Variants in CNTN5 observed in about 807,000 individuals in gnomAD.
CNTN5 encodes contactin-5.
A neutral mutation model predicts 129.1 loss-of-function variants in CNTN5; 77 were observed. The observed-to-expected ratio is 0.60, with a 90% CI of 0.50 to 0.72. CNTN5 has a LOEUF of 0.72. Among genes scored for constraint, CNTN5 ranks in the 30% least tolerant of loss-of-function variants. The pLI is 0.00. For missense variants in CNTN5, 1,478 were observed against 1,328.8 expected (o/e 1.11, Z -1.75); for synonymous variants, 509 against 465.6 (o/e 1.09, Z -1.20).
chr11:99,251,190 G>C (rs906636086), intron 1 of CNTN5, among the ~76,000 whole-genome samples: 5 of 151,736 alleles, frequency 3.3e-5, no homozygotes, highest in African/African-American at 1.2e-4. Context: ...AAAGAAAACA[G>C]GTTATTTATA....
intron 18 of CNTN5, among the ~76,000 whole-genome samples, chr11:100,286,831 C>A (rs1383701770): frequency 2.0e-5 from 3 of 150,276 alleles, no homozygotes; most frequent in South Asian, 2.1e-4. Flanking sequence ...ACATTCAAAC[C>A]AAAGGCAAGG....
intron 1 of CNTN5, among the ~76,000 whole-genome samples, chr11:99,128,020 A>C (rs1858731132): frequency 6.6e-6 from 1 of 152,230 alleles, no homozygotes. Context: ...TTGTAATATA[A>C]ATGGTTGATA....
chr11:99,177,744 C>T (rs1857849082), intron 1 of CNTN5, among the ~76,000 whole-genome samples: 1 of 152,068 alleles, frequency 6.6e-6, no homozygotes, highest in Non-Finnish European at 1.5e-5. Flanking sequence ...TCTACAGTGG[C>T]CAAGTTGTCA....
intron 6 of CNTN5, among the ~76,000 whole-genome samples, chr11:99,862,519 CAACAA>C (rs1312024393): frequency 6.6e-6 from 1 of 152,040 alleles, no homozygotes; most frequent in Non-Finnish European, 1.5e-5. Context: ...GTAGAAAAAA[CAACAA>C]AACAGCCATG....
At chr11:99,235,009 G>T (rs190837056) in intron 1 of CNTN5, among the ~76,000 whole-genome samples, 1 of 150,996 alleles carries the variant, frequency 6.6e-6, no homozygotes, top group African/African-American at 2.4e-5. Context: ...TTTGAGGCAG[G>T]CCTTTTTATA....
At chr11:99,846,194 C>G (rs1947691466) in intron 6 of CNTN5, among the ~76,000 whole-genome samples, 1 of 145,628 alleles carries the variant, frequency 6.9e-6, no homozygotes, top group African/African-American at 2.5e-5. Context: ...GATAATACAC[C>G]TGATTAAATG....
intron 3 of CNTN5, among the ~76,000 whole-genome samples, chr11:99,628,611 G>GACAC (rs10607009): frequency 0.032 from 4,769 of 147,072 alleles, 97 homozygotes; most frequent in East Asian, 0.082. Context: ...GCTAAATAAT[G>GACAC]ACACACACAC....
At chr11:100,347,941 T>A (rs1952322836) in intron 23 of CNTN5, among the ~76,000 whole-genome samples, 1 of 152,094 alleles carries the variant, frequency 6.6e-6, no homozygotes, top group African/African-American at 2.4e-5. Context: ...AATATTCTAC[T>A]ACCATCAAAC....
intron 10 of CNTN5, among the ~76,000 whole-genome samples, chr11:100,064,498 G>C (rs922553411): frequency 1.3e-5 from 2 of 151,708 alleles, no homozygotes; most frequent in African/African-American, 2.4e-5. Context: ...AACATAAATA[G>C]GTCTTAAAAG....
intron 13 of CNTN5, among the ~76,000 whole-genome samples, chr11:100,183,188 G>A (rs182825420): frequency 6.6e-6 from 1 of 152,224 alleles, no homozygotes; most frequent in Non-Finnish European, 1.5e-5. Flanking sequence ...GATTATGTCA[G>A]CTTCTTAAAA....
At chr11:100,037,751 T>A (rs1488433829) in intron 9 of CNTN5, among the ~76,000 whole-genome samples, 1 of 152,216 alleles carries the variant, frequency 6.6e-6, no homozygotes, top group Non-Finnish European at 1.5e-5. Context: ...CTAGTTTATT[T>A]GTGTAGAGGT....
intron 3 of CNTN5, among the ~76,000 whole-genome samples, chr11:99,562,716 T>C (rs1267879993): frequency 6.6e-6 from 1 of 152,104 alleles, no homozygotes; most frequent in Non-Finnish European, 1.5e-5. Flanking sequence ...GACTTAGTAA[T>C]TGATTAAATA....
chr11:99,195,257 C>G (rs1858843580), intron 1 of CNTN5, among the ~76,000 whole-genome samples: 1 of 152,064 alleles, frequency 6.6e-6, no homozygotes, highest in South Asian at 2.1e-4. Context: ...ACCCATGCCC[C>G]TATTACTAGA....
chr11:99,369,178 AT>A (rs1307044701), intron 2 of CNTN5, among the ~76,000 whole-genome samples: 2 of 137,634 alleles, frequency 1.5e-5, no homozygotes, highest in East Asian at 4.0e-4. Context: ...TTATATATAT[AT>A]AATATATATA....
intron 16 of CNTN5, among the ~76,000 whole-genome samples, chr11:100,248,515 C>T (rs1949895582): frequency 6.6e-6 from 1 of 151,928 alleles, no homozygotes; most frequent in Admixed American, 6.6e-5. Context: ...CACTGCACTC[C>T]AACCTGGGCA....
At chr11:99,641,394 T>G (rs1951764045) in intron 3 of CNTN5, among the ~76,000 whole-genome samples, 1 of 123,950 alleles carries the variant, frequency 8.1e-6, no homozygotes, top group Admixed American at 9.3e-5. Context: ...GTTACTAAAC[T>G]GTGAATTGGT....
intron 3 of CNTN5, among the ~76,000 whole-genome samples, chr11:99,757,234 G>T (rs1312828434): frequency 6.6e-6 from 1 of 151,760 alleles, no homozygotes; most frequent in Non-Finnish European, 1.5e-5. Flanking sequence ...TTTCACATGG[G>T]GCTCTTTCTG....
intron 18 of CNTN5, among the ~76,000 whole-genome samples, chr11:100,275,564 T>G (rs981264441): frequency 6.6e-6 from 1 of 152,154 alleles, no homozygotes; most frequent in Non-Finnish European, 1.5e-5. Context: ...TGAATCTCCT[T>G]GTGCTATTAA....
At position 100,181,718 on chromosome 11, in the gene CNTN5, A is replaced by G. The variant is rs140216835; in HGVS notation, c.1581-9408A>G. Reference sequence around the variant, plus strand: ...AATCTGTTTTATTTCTTAAAACTGCATGTGACCTTACAATTATCTCCAAAA... The same window carrying G: ...AATCTGTTTTATTTCTTAAAACTGCGTGTGACCTTACAATTATCTCCAAAA... On this transcript the variant is annotated intron_variant, in intron 13 of 24. Transcript: ENST00000524871. 4.6e-5 allele frequency among the ~76,000 whole-genome samples: 7 copies of G among 152,168 alleles called. No individual in the cohort carries two copies. The South Asian group carries it at 1.5e-3, about 32-fold the overall frequency.
Sources: gnomAD v4.1 joint callset for allele counts (sites outside exome capture counted in the v4.1 genomes callset) on GRCh38, gnomAD v4.1.1 for gene constraint, MANE v1.5 for transcripts, NCBI Gene and HGNC (gene_info 2026-07-23, HGNC 2026-07-21) for gene names.